The following ZSCAN29 variants were observed in gnomAD, a reference collection of about 807,000 sequenced individuals.
ZSCAN29 encodes the protein zinc finger and SCAN domain-containing protein 29.
Under a neutral mutation model 71.9 loss-of-function variants are expected in ZSCAN29, and 55 were observed. That is an observed-to-expected ratio of 0.76 (90% CI 0.62 to 0.96). The LOEUF is 0.96. ZSCAN29 is among the 40% of genes least tolerant of loss of function. The probability of loss-of-function intolerance (pLI) is 0.00; values close to 1 mark genes in which losing one functional copy is unlikely to be tolerated. For synonymous variants in ZSCAN29, 351 were observed against 371.6 expected, an observed-to-expected ratio of 0.94 and a Z score of 0.64; for missense variants, 1,042 against 1,042.2, an observed-to-expected ratio of 1.00 and a Z score of 0.00.
chr15:43,366,167 C>T lies in ZSCAN29; in HGVS notation c.1165G>A (p.Glu389Lys). 2 of 1,614,144 alleles carry T rather than the reference C, an allele frequency of 1.2e-6. No individual in the cohort carries two copies. Among genetic ancestry groups the T allele is most frequent in the African/African-American group, 1.3e-5 (1 of 75,024 alleles). The change falls in exon 4 of 6, where the codon GAG becomes AAG. Residue 389 changes from glutamate (E) to lysine (K), a missense_variant. By Grantham distance (56) the Glu-to-Lys change is moderately conservative. Transcript: ENST00000684362. ...GAGTTGGGGTCCTGGGGGGTCGCCT[C>T]TAGATCCATGTCATCACTGTCAGAC... ...QESDSDDMDL[E>K]ATPQDPNSAA... is the part of the protein sequence containing the mutation.
Position 43,366,352 on chromosome 15 carries a change from A to G in ZSCAN29, c.980T>C (p.Met327Thr). 6.2e-7 allele frequency: 1 copy of G among 1,613,706 alleles called. No individual in the cohort carries two copies. The highest frequency in any genetic ancestry group is 8.5e-7 in the Non-Finnish European group (1 of 1,179,990). The change falls in exon 4 of 6, where the codon ATG (methionine) becomes ACG (threonine). Residue 327 changes from methionine (M) to threonine (T), a missense_variant. Coordinates refer to ENST00000684362, the MANE Select transcript of ZSCAN29 (RefSeq NM_001372080.1). ...GACCTGAGCACTCATCAGGGCTTCC[A>G]TCTCTTCAAAGAAGGGGCAGGTCTC... Reference protein sequence around the residue: ...PPETCPFFEEMEALMSAQVIA... With the variant: ...PPETCPFFEETEALMSAQVIA...
intron 4 of ZSCAN29, among the ~76,000 whole-genome samples, chr15:43,365,725 T>C (rs2142731979): frequency 6.6e-6 from 1 of 151,046 alleles, no homozygotes; most frequent in East Asian, 1.9e-4. Flanking sequence ...AGATAAAATA[T>C]GTAAAACATC....
chr15:43,369,794 C>T lies in ZSCAN29; in HGVS notation c.120G>A (p.Trp40Ter). The change falls in exon 2 of 6, where the codon TGG becomes TGA. Residue 40 changes from tryptophan (W) to a stop codon, truncating the protein, a stop_gained. Transcript: ENST00000684362. LOFTEE classifies it high-confidence loss of function. ...AGPREAFSQL[W>*]ELCCRWLRPE... ...GCCTTAGCCACCGACAGCAAAGTTC[C>T]CAGAGTTGGCTGAAAGCCTCCCGCG... is the stretch of plus-strand genomic sequence containing the variant. The T allele has an allele frequency of 1.2e-6, 2 of 1,614,260 alleles. No individual in the cohort carries two copies. Among genetic ancestry groups the T allele is most frequent in the Non-Finnish European group, 1.7e-6 (2 of 1,180,050 alleles).
chr15:43,370,066 C>G (rs1334618532), intron 1 of ZSCAN29, 41 bp from the exon 2 acceptor site: 1 of 799,684 alleles, frequency 1.3e-6, no homozygotes, highest in Non-Finnish European at 1.9e-6. Context: ...GGAATACATT[C>G]ATATGTCTAA....
At chr15:43,362,241 A>C (rs1394954823) in intron 5 of ZSCAN29, among the ~76,000 whole-genome samples, 1 of 152,212 alleles carries the variant, frequency 6.6e-6, no homozygotes, top group Non-Finnish European at 1.5e-5. Context: ...GTTTTAGATA[A>C]AATAATTTCC....
Position 43,361,842 on chromosome 15 carries a change from A to G in ZSCAN29, c.1790T>C (p.Ile597Thr). The change falls in exon 6 of 6, where the codon ATT becomes ACT. Residue 597 changes from isoleucine to threonine, a missense_variant. Transcript: ENST00000684362. Reference sequence around the variant, plus strand: ...TTTACCCTGATGAAGATACCGGGGAATTTTCCTTTCAGATCTTGCAAGTAA... The same window carrying G: ...TTTACCCTGATGAAGATACCGGGGAGTTTTCCTTTCAGATCTTGCAAGTAA... ...RTLLARSERK[I>T]PRYLHQGKGN... 1 of 1,614,122 alleles carries G rather than the reference A, an allele frequency of 6.2e-7. No individual in the cohort carries two copies. The highest frequency in any genetic ancestry group is 1.7e-5 in the Admixed American group (1 of 60,012).
intron 4 of ZSCAN29, among the ~76,000 whole-genome samples, chr15:43,365,035 A>G (rs1274104701): frequency 1.3e-5 from 2 of 152,170 alleles, no homozygotes; most frequent in Non-Finnish European, 2.9e-5. Context: ...AGAAAAATAA[A>G]GAGAAACGAA....
chr15:43,362,954 G>C (rs1453446309), intron 5 of ZSCAN29, among the ~76,000 whole-genome samples: 1 of 151,904 alleles, frequency 6.6e-6, no homozygotes, highest in Non-Finnish European at 1.5e-5. Flanking sequence ...AACCCTATGA[G>C]GTAGGTCTTA....
Position 43,360,896 on chromosome 15 carries a change from A to G in ZSCAN29, c.*177T>C, listed in dbSNP as rs2043971398. On this transcript the variant is annotated 3_prime_UTR_variant, in exon 6 of 6. Transcript: ENST00000684362. ...GACTGAAATCTTCCTTTCATTCTTT[A>G]GACTGCCTTGGGGATTTGAGTCTAG... is the stretch of plus-strand genomic sequence containing the variant. The G allele has an allele frequency of 1.2e-6, 1 of 813,982 alleles. No homozygotes were observed. Among genetic ancestry groups the G allele is most frequent in the East Asian group, 2.5e-5 (1 of 40,478 alleles). The allele number at this position is 813,982 out of a possible 1,614,324, so 50.4% of individuals were successfully genotyped here. A position where few individuals can be genotyped will look rare whatever the true frequency, so the allele number is the denominator to read the frequency against.
rs765274897 is a variant in ZSCAN29, at chr15:43,366,663, G to T, written c.669C>A (p.Ser223=). ...DRRVHADLLP[S]KKDRRSWVEQ... ...CCACCCAGCTTCTTCTATCTTTCTTGGATGGTAACAGATCAGCATGCACTC... is the reference window on the plus strand; with the variant it reads ...CCACCCAGCTTCTTCTATCTTTCTTTGATGGTAACAGATCAGCATGCACTC... Residue 223 remains serine (S), a synonymous_variant, in exon 4 of 6, where the codon TCC becomes TCA. Transcript: ENST00000684362. 24 of 1,614,172 alleles carry T rather than the reference G, an allele frequency of 1.5e-5. No individual in the cohort carries two copies. The South Asian group carries it at 2.6e-4, about 18-fold the overall frequency.
At position 43,369,765 on chromosome 15, in the gene ZSCAN29, T is replaced by G. The variant is rs199823856; in HGVS notation, c.149A>C (p.Glu50Ala). 1.2e-6 allele frequency: 2 copies of G among 1,614,254 alleles called. No homozygotes were observed. Among genetic ancestry groups the G allele is most frequent in the Admixed American group, 3.3e-5 (2 of 60,028 alleles). Reference sequence around the variant, plus strand: ...TACAATCTGCTCCTTGGTGCGCACCTCCGGCCTTAGCCACCGACAGCAAAG... The same window carrying G: ...TACAATCTGCTCCTTGGTGCGCACCGCCGGCCTTAGCCACCGACAGCAAAG... ...WELCCRWLRP[E>A]VRTKEQIVEL... Residue 50 changes from glutamate to alanine, a missense_variant, in exon 2 of 6, where the codon GAG (glutamate) becomes GCG (alanine). By Grantham distance (107) the Glu-to-Ala change is moderately radical (BLOSUM62 -1). Coordinates refer to ENST00000684362, the MANE Select transcript of ZSCAN29 (RefSeq NM_001372080.1).
In ZSCAN29 at chr15:43,361,804, C is replaced by T; in HGVS notation, c.1828G>A (p.Asp610Asn). 2 of 1,614,208 alleles carry T rather than the reference C, an allele frequency of 1.2e-6. No individual in the cohort carries two copies. Among genetic ancestry groups the T allele is most frequent in the Non-Finnish European group, 1.7e-6 (2 of 1,180,036 alleles). The change falls in exon 6 of 6, where the codon GAC becomes AAC. Residue 610 changes from aspartate (D) to asparagine (N), a missense_variant. Coordinates refer to ENST00000684362, the MANE Select transcript of ZSCAN29 (RefSeq NM_001372080.1). ...YLHQGKGNES[D>N]CRSGRQWAKT... The stretch of plus-strand genomic sequence containing the variant: ...GCCCACTGTCTTCCTGATCTACAGT[C>T]ACTCTCATTGCCTTTACCCTGATGA...
At position 43,361,813 on chromosome 15, in the gene ZSCAN29, T is replaced by C. The variant is rs772593046; in HGVS notation, c.1819A>G (p.Asn607Asp). The stretch of plus-strand genomic sequence containing the variant: ...CTTCCTGATCTACAGTCACTCTCAT[T>C]GCCTTTACCCTGATGAAGATACCGG... ...IPRYLHQGKGNESDCRSGRQW... is the reference protein window; with the variant it reads ...IPRYLHQGKGDESDCRSGRQW... The change falls in exon 6 of 6, where the codon AAT (asparagine) becomes GAT (aspartate). Residue 607 changes from asparagine (N) to aspartate (D), a missense_variant. Asn to Asp is a conservative substitution (Grantham distance 23). Transcript: ENST00000684362. 2 of 1,614,212 alleles carry C rather than the reference T, an allele frequency of 1.2e-6. No homozygotes were observed. Among genetic ancestry groups the C allele is most frequent in the South Asian group, 2.2e-5 (2 of 91,078 alleles).
At position 43,369,094 on chromosome 15, in the gene ZSCAN29, A is replaced by G. The variant is rs757414806; in HGVS notation, c.352T>C (p.Leu118=). Reference sequence around the variant, plus strand: ...GATTTCGGGGGTGTCATCTTCTCCAAGCGCACTTCCTGCCCCTTCACAGAG... The same window carrying G: ...GATTTCGGGGGTGTCATCTTCTCCAGGCGCACTTCCTGCCCCTTCACAGAG... ...TVSVKGQEVR[L]EKMTPPKSSQ... is the part of the protein sequence containing the mutation. The change falls in exon 3 of 6, where the codon TTG becomes CTG. Residue 118 remains leucine (L), a synonymous_variant. Coordinates refer to ENST00000684362, the MANE Select transcript of ZSCAN29 (RefSeq NM_001372080.1). 14 of 1,595,808 alleles carry G rather than the reference A, an allele frequency of 8.8e-6. No individual in the cohort carries two copies. The highest frequency in any genetic ancestry group is 4.5e-5 in the East Asian group (2 of 44,292).
Position 43,369,221 on chromosome 15 carries a change from A to C in ZSCAN29, c.319-94T>G. On this transcript the variant is annotated intron_variant, in intron 2 of 5. Transcript: ENST00000684362. ...AATACCCCAAAAGAGATCATCTTTCAGAGCCATGGCCAGGGTTGTAGGGGT... is the reference window on the plus strand; with the variant it reads ...AATACCCCAAAAGAGATCATCTTTCCGAGCCATGGCCAGGGTTGTAGGGGT... 2.3e-6 allele frequency: 3 copies of C among 1,313,616 alleles called. No homozygotes were observed. In the South Asian group the frequency reaches 5.1e-5, roughly 23 times the overall value. The allele number at this position is 1,313,616 out of a possible 1,614,324, so 81.4% of individuals were successfully genotyped here.
intron 4 of ZSCAN29, among the ~76,000 whole-genome samples, chr15:43,365,086 AAAAT>A (rs146186765): frequency 0.04 from 6,014 of 152,138 alleles, 160 homozygotes; most frequent in Middle Eastern, 0.1. Flanking sequence ...GAACAGAACT[AAAAT>A]AAGATCATGC....
rs2142744106 is a variant in ZSCAN29 at position 43,370,758 on chromosome 15, G to A, written c.-313C>T. The A allele has an allele frequency of 1.3e-5, 2 of 153,418 alleles. No homozygotes were observed. Among genetic ancestry groups the A allele is most frequent in the East Asian group, 3.9e-4 (2 of 5,178 alleles). 9.5% of individuals were successfully genotyped at this position (153,418 alleles called of 1,614,324 possible). A position where few individuals can be genotyped will look rare whatever the true frequency, so the allele number is the denominator to read the frequency against. ...GGACGCAGAGCTCTCAGCCCAAGGA[G>A]CAGCGGCTGCGGGATTCTGGCCTCT... On this transcript the variant is annotated 5_prime_UTR_variant, in exon 1 of 6. Coordinates refer to ENST00000684362, the MANE Select transcript of ZSCAN29 (RefSeq NM_001372080.1).
At position 43,366,226 on chromosome 15, in the gene ZSCAN29, T is replaced by G. The variant is rs568348919; in HGVS notation, c.1106A>C (p.His369Pro). Residue 369 changes from histidine (H) to proline (P), a missense_variant, in exon 4 of 6, where the codon CAT becomes CCT. Coordinates refer to ENST00000684362, the MANE Select transcript of ZSCAN29 (RefSeq NM_001372080.1). Reference sequence around the variant, plus strand: ...CACAGCCTCTTCTGCTCCCTCCTCATGCTGCCAGCCCCTCTGCCCTGGCTC... The same window carrying G: ...CACAGCCTCTTCTGCTCCCTCCTCAGGCTGCCAGCCCCTCTGCCCTGGCTC... ...TEEPGQRGWQHEEGAEEAVAQ... is the reference protein window; with the variant it reads ...TEEPGQRGWQPEEGAEEAVAQ... 1.7e-5 allele frequency: 27 copies of G among 1,613,792 alleles called. No homozygotes were observed. In the Middle Eastern group the frequency reaches 4.9e-4, roughly 29 times the overall value.
chr15:43,366,290 A>G lies in ZSCAN29; in HGVS notation c.1042T>C (p.Ser348Pro). The part of the protein sequence containing the change: ...LPSNGLEAAA[S>P]HSGLVGSDAE... ...TCGCTGCCTACCAGGCCAGAGTGAG[A>G]GGCTGCTGCTTCCAGGCCATTACTG... Residue 348 changes from serine to proline, a missense_variant, in exon 4 of 6, where the codon TCT becomes CCT. Coordinates refer to ENST00000684362, the MANE Select transcript of ZSCAN29 (RefSeq NM_001372080.1). The G allele has an allele frequency of 6.2e-7, 1 of 1,613,176 alleles. No homozygotes were observed. Among genetic ancestry groups the G allele is most frequent in the Non-Finnish European group, 8.5e-7 (1 of 1,180,024 alleles).
Sources: gnomAD v4.1 joint callset for allele counts (sites outside exome capture counted in the v4.1 genomes callset) on GRCh38, gnomAD v4.1.1 for gene constraint, MANE v1.5 for transcripts, NCBI Gene and HGNC (gene_info 2026-07-23, HGNC 2026-07-21) for gene names.